BTNL9: variants seen among roughly 807,000 people sequenced by gnomAD.
BTNL9 encodes butyrophilin like 9, also known as butyrophilin-like protein 9.
A neutral mutation model predicts 45.8 loss-of-function variants in BTNL9; 45 were observed. The observed-to-expected ratio is 0.98, with a 90% confidence interval of 0.77 to 1.26. BTNL9 has a LOEUF of 1.26. Among genes scored for constraint, BTNL9 ranks in the 50% most tolerant of loss-of-function variants. BTNL9 has a pLI of 0.00. For synonymous variants in BTNL9, 346 were observed against 330.8 expected, an observed-to-expected ratio of 1.05 and a Z score of -0.50; for missense variants, 784 against 729.7, an observed-to-expected ratio of 1.07 and a Z score of -0.86.
chr5:181,058,244 G>T, intron 9 of BTNL9, 108 bp from the exon 10 acceptor site: 1 of 1,270,570 alleles, frequency 7.9e-7, no homozygotes, highest in Non-Finnish European at 1.2e-6. Context: ...GTGGGAATGG[G>T]GTCATTCGAT....
rs768130627 is a variant in BTNL9 at position 181,053,282 on chromosome 5, G to C, written c.819G>C (p.Ala273=). 31 of 1,582,834 alleles carry C rather than the reference G, an allele frequency of 2.0e-5. No homozygotes were observed. The highest frequency in any genetic ancestry group is 2.2e-5 in the Non-Finnish European group (26 of 1,166,332). The change falls in exon 5 of 11, where the codon GCG becomes GCC. Residue 273 remains alanine (A), a synonymous_variant. Transcript: ENST00000327705. The surrounding 1 kb of genome is among the most constrained non-coding windows in gnomAD (Gnocchi z 6.5). ...LPLLLVLAAL[A]LGVLRKQRRS... is the part of the protein sequence containing the mutation. ...TGCTGTTGGTCCTCGCGGCGCTGGC[G>C]CTGGGCGTCCTCCGGAAGCAGCGGA...
chr5:181,044,693 G>A lies in BTNL9; in HGVS notation c.-23-774G>A, dbSNP rs74711548. Among the ~76,000 whole-genome samples, 211 of 152,304 alleles carry A rather than the reference G, an allele frequency of 1.4e-3. 2 individuals are homozygous for A. The South Asian group carries it at 0.019, about 14-fold the overall frequency. ...ATTGGCAGCAGCACACTCTCTGGCC[G>A]TGAGTCATTAGTGGGTCCCAAGGGA... On this transcript the variant is annotated intron_variant, in intron 1 of 10. Coordinates refer to ENST00000327705, the MANE Select transcript of BTNL9 (RefSeq NM_152547.5).
intron 7 of BTNL9, chr5:181,054,699 G>A (rs1761783427): frequency 6.1e-6 from 6 of 985,348 alleles, no homozygotes; most frequent in Non-Finnish European, 7.2e-6. Flanking sequence ...GGAAGAGAGA[G>A]TGAACCCAAG....
intron 2 of BTNL9, among the ~76,000 whole-genome samples, chr5:181,047,188 C>T (rs1468984814): frequency 6.6e-6 from 1 of 152,166 alleles, no homozygotes; most frequent in Non-Finnish European, 1.5e-5. Context: ...TGCGGAAGAA[C>T]TGTGCAGGAG....
intron 4 of BTNL9, among the ~76,000 whole-genome samples, chr5:181,051,098 A>AG (rs962110367): frequency 2.0e-5 from 3 of 151,784 alleles, no homozygotes; most frequent in Non-Finnish European, 4.4e-5. Flanking sequence ...ACAAAAAAAA[A>AG]AAAAACAAGA....
chr5:181,043,019 C>T (rs1390812558), intron 1 of BTNL9, among the ~76,000 whole-genome samples: 1 of 152,132 alleles, frequency 6.6e-6, no homozygotes, highest in Non-Finnish European at 1.5e-5. Flanking sequence ...ACCACTCACC[C>T]ACTGTGTGCA....
chr5:181,059,108 G>A (rs1423598995), intron 10 of BTNL9, 129 bp from the exon 11 acceptor site: 1 of 1,384,342 alleles, frequency 7.2e-7, no homozygotes, highest in Non-Finnish European at 9.4e-7. Context: ...GCAGGGGTGA[G>A]GGTCGGGGTA....
At chr5:181,048,394 A>G (rs1761305454) in intron 3 of BTNL9, 123 bp downstream of exon 3, 3 of 870,268 alleles carry the variant, frequency 3.4e-6, no homozygotes, top group Non-Finnish European at 5.2e-6. Flanking sequence ...AAGCTGATGG[A>G]TAGGTCCATT....
Position 181,042,005 on chromosome 5 carries a change from C to T in BTNL9, c.-24+1573C>T, listed in dbSNP as rs1394620902. ...TACTCATCTTTAAAGACAGACTCGA[C>T]GGAGGGACCGGAAATCAGAAAAACA... On this transcript the variant is annotated intron_variant, in intron 1 of 10. Transcript: ENST00000327705. This position sits in a 1 kb window ranked among gnomAD's most constrained non-coding sequence, Gnocchi z 4.5. Among the ~76,000 whole-genome samples, 3 of 151,990 alleles carry T rather than the reference C, an allele frequency of 2.0e-5. No individual in the cohort carries two copies. The highest frequency in any genetic ancestry group is 6.5e-5 in the Admixed American group (1 of 15,270).
intron 4 of BTNL9, among the ~76,000 whole-genome samples, chr5:181,051,748 A>G (rs1269713807): frequency 8.8e-6 from 1 of 113,516 alleles, no homozygotes; most frequent in Non-Finnish European, 2.0e-5. Context: ...AGAGAGGGGA[A>G]GAGGAAAGAG....
intron 3 of BTNL9, among the ~76,000 whole-genome samples, chr5:181,049,629 G>A (rs114804853): frequency 0.013 from 2,022 of 152,278 alleles, 50 homozygotes; most frequent in African/African-American, 0.046. Flanking sequence ...TGGCATTTAT[G>A]CCACATTAAT....
At chr5:181,054,626 G>C (rs77724206) in intron 7 of BTNL9, 19,557 of 985,378 alleles carry the variant, frequency 0.02, 261 homozygotes, top group South Asian at 0.079. Context: ...TAATTTCTCA[G>C]ATCCACTTTT....
chr5:181,051,013 G>T, intron 4 of BTNL9, among the ~76,000 whole-genome samples: 1 of 127,860 alleles, frequency 7.8e-6, no homozygotes, highest in Non-Finnish European at 1.7e-5. Flanking sequence ...CTTGAACCGG[G>T]GGGCAGAGGT....
intron 10 of BTNL9, 94 bp from the exon 11 acceptor site, chr5:181,059,143 C>A (rs1292664941): frequency 2.1e-6 from 3 of 1,407,614 alleles, no homozygotes; most frequent in Non-Finnish European, 1.8e-6. Flanking sequence ...TCGATTATTC[C>A]ACCAAGAGAA....
At chr5:181,056,583 C>A in intron 9 of BTNL9, 1 of 717,500 alleles carries the variant, frequency 1.4e-6, no homozygotes, top group Non-Finnish European at 2.6e-6. Context: ...GGTATCCAGG[C>A]TGCCTCTAAC....
chr5:181,056,141 A>T (rs1458212192), intron 9 of BTNL9, 126 bp downstream of exon 9: 1 of 1,071,718 alleles, frequency 9.3e-7, no homozygotes, highest in African/African-American at 1.6e-5. Context: ...GCATGTGTTA[A>T]TCTATGTCAC....
intron 7 of BTNL9, chr5:181,054,536 ATCT>A: frequency 2.0e-6 from 2 of 985,470 alleles, no homozygotes; most frequent in South Asian, 9.4e-5. Context: ...TCTCCGGTTC[ATCT>A]TCTTAAAATA....
intron 1 of BTNL9, among the ~76,000 whole-genome samples, chr5:181,041,948 A>G (rs1162313692): frequency 1.3e-5 from 2 of 152,192 alleles, no homozygotes; most frequent in Non-Finnish European, 2.9e-5. Context: ...ACAATAAATT[A>G]TCTAAAAAAA....
chr5:181,053,976 A>T lies in BTNL9; in HGVS notation c.887-263A>T. On this transcript the variant is annotated intron_variant, in intron 6 of 10. Transcript: ENST00000327705. This position sits in a 1 kb window ranked among gnomAD's most constrained non-coding sequence, Gnocchi z 6.5. ...TTTCCGCCGAGCTAATAGATTTGGG[A>T]GGCTCCGACCCTGATTTTCACACTA... 3 of 1,530,996 alleles carry T rather than the reference A, an allele frequency of 2.0e-6. No homozygotes were observed. Among genetic ancestry groups the T allele is most frequent in the Non-Finnish European group, 2.6e-6 (3 of 1,143,092 alleles). 94.8% of individuals were successfully genotyped at this position (1,530,996 alleles called of 1,614,324 possible).
Sources: allele counts gnomAD v4.1 joint callset (sites outside exome capture counted in the v4.1 genomes callset), GRCh38; gene constraint gnomAD v4.1.1; non-coding constraint Gnocchi (gnomAD v3.1); transcripts MANE v1.5; gene names NCBI Gene and HGNC (gene_info 2026-07-23, HGNC 2026-07-21).